ZFYVE9: variants seen among roughly 807,000 people sequenced by gnomAD.
ZFYVE9 encodes zinc finger FYVE domain-containing protein 9.
ZFYVE9 carries 43 observed loss-of-function variants against 126.7 expected under a neutral mutation model. The ratio of observed to expected loss-of-function variants is 0.34; its 90% CI spans 0.27 to 0.44. The LOEUF (loss-of-function observed/expected upper bound fraction) is 0.44, where lower values mean the gene tolerates loss of function less well. Among genes scored for constraint, ZFYVE9 ranks in the 20% least tolerant of loss-of-function variants. ZFYVE9 has a pLI of 1.00. For missense variants in ZFYVE9, 1,476 were observed against 1,697.0 expected (o/e 0.87, Z 2.29); for synonymous variants, 521 against 597.4 (o/e 0.87, Z 1.87).
At chr1:52,312,245 T>A (rs1017787881) in intron 13 of ZFYVE9, among the ~76,000 whole-genome samples, 3 of 152,142 alleles carry the variant, frequency 2.0e-5, no homozygotes, top group Admixed American at 6.5e-5. Flanking sequence ...ACTCAAAACA[T>A]CATTTAACAA....
chr1:52,316,165 C>A (rs1396212120), intron 13 of ZFYVE9, among the ~76,000 whole-genome samples: 54 of 39,198 alleles, frequency 1.4e-3, no homozygotes, highest in African/African-American at 4.5e-3. Context: ...AACTCCATCT[C>A]AAAAAAAAAA....
rs1009663252 is a variant in ZFYVE9, at chr1:52,293,448, T to G, written c.3026-5T>G. 3 of 1,599,134 alleles carry G rather than the reference T, an allele frequency of 1.9e-6. No individual in the cohort carries two copies. The African/African-American group carries it at 4.0e-5, about 22-fold the overall frequency. On this transcript the variant is annotated splice_region_variant and splice_polypyrimidine_tract_variant and intron_variant, in intron 10 of 18. Transcript: ENST00000287727. ...AAAGTAGCTAATAAACTTTTTTGTT[T>G]TTAGGGAATGTGGTGAGCAACTTGG...
rs377527010 is a variant in ZFYVE9, at chr1:52,149,129, A to G, written c.-143+6726A>G. ...CAGGCGCCTGTCACTATGCACCGCTAATTTTTGTATTTTGAGTAGAGATGG... is the reference window on the plus strand; with the variant it reads ...CAGGCGCCTGTCACTATGCACCGCTGATTTTTGTATTTTGAGTAGAGATGG... On this transcript the variant is annotated intron_variant, in intron 1 of 18. Coordinates refer to ENST00000287727, the MANE Select transcript of ZFYVE9 (RefSeq NM_004799.4). Among the ~76,000 whole-genome samples the G allele has an allele frequency of 1.3e-4, 20 of 151,608 alleles. No individual in the cohort carries two copies. In the East Asian group the frequency reaches 3.3e-3, roughly 25 times the overall value.
intron 1 of ZFYVE9, among the ~76,000 whole-genome samples, chr1:52,207,635 A>C (rs17107100): frequency 0.013 from 1,962 of 152,306 alleles, 46 homozygotes; most frequent in African/African-American, 0.046. Context: ...TTTAGGATCA[A>C]ATTTACTTAG....
chr1:52,207,065 C>T (rs957036419), intron 1 of ZFYVE9, among the ~76,000 whole-genome samples: 7 of 152,218 alleles, frequency 4.6e-5, no homozygotes, highest in African/African-American at 1.7e-4. Context: ...AACATTCTCC[C>T]AGACACACCC....
chr1:52,285,926 G>T (rs1419450491), intron 10 of ZFYVE9, among the ~76,000 whole-genome samples: 1 of 152,084 alleles, frequency 6.6e-6, no homozygotes, highest in African/African-American at 2.4e-5. Flanking sequence ...AGGCCAAGCC[G>T]GGTGGATCAC....
intron 13 of ZFYVE9, among the ~76,000 whole-genome samples, chr1:52,329,977 T>C (rs1188357524): frequency 1.3e-5 from 2 of 152,112 alleles, no homozygotes; most frequent in Admixed American, 1.3e-4. Flanking sequence ...TGCCTGTAGT[T>C]CCAGCTACTT....
At chr1:52,202,997 T>G (rs4110977) in intron 1 of ZFYVE9, among the ~76,000 whole-genome samples, 9,794 of 152,150 alleles carry the variant, frequency 0.064, 944 homozygotes, top group African/African-American at 0.19. Context: ...AAAGTGATTA[T>G]TAATATAATC....
intron 1 of ZFYVE9, among the ~76,000 whole-genome samples, chr1:52,196,632 G>C (rs185461393): frequency 2.0e-5 from 3 of 152,206 alleles, no homozygotes; most frequent in African/African-American, 7.2e-5. Flanking sequence ...GCAAGACCCG[G>C]TCTCAGAAAA....
intron 4 of ZFYVE9, among the ~76,000 whole-genome samples, chr1:52,261,226 C>CTTTTTTTTTTTTTT (rs954031127): frequency 1.5e-5 from 2 of 132,126 alleles, no homozygotes; most frequent in Non-Finnish European, 3.3e-5. Flanking sequence ...TTCTTTCTTT[C>CTTTTTTTTTTTTTT]TTTTTTTTTT....
At chr1:52,214,592 A>G (rs2124591952) in intron 1 of ZFYVE9, among the ~76,000 whole-genome samples, 1 of 152,328 alleles carries the variant, frequency 6.6e-6, no homozygotes, top group East Asian at 1.9e-4. Flanking sequence ...AGACTGGAAT[A>G]TAATTCCAAT....
chr1:52,238,210 A>C lies in ZFYVE9; in HGVS notation c.793A>C (p.Thr265Pro), dbSNP rs1171240445. 6.2e-7 allele frequency: 1 copy of C among 1,614,082 alleles called. No individual in the cohort carries two copies. Among genetic ancestry groups the C allele is most frequent in the Non-Finnish European group, 8.5e-7 (1 of 1,179,972 alleles). ...CTCCATGTCTGCGATTACAAGTTTA[A>C]CGGTTGATTCAGTAATCTCATCCCA... ...DPSMSAITSL[T>P]VDSVISSQGT... Residue 265 changes from threonine to proline, a missense_variant, in exon 4 of 19, where the codon ACG becomes CCG. By Grantham distance (38) the Thr-to-Pro change is conservative. Around this residue, in one of 2 missense-constraint regions of ZFYVE9, gnomAD observed 807 missense variants for 794.6 expected, o/e 1.02. Coordinates refer to ENST00000287727, the MANE Select transcript of ZFYVE9 (RefSeq NM_004799.4).
At chr1:52,173,173 C>T (rs1346384397) in intron 1 of ZFYVE9, among the ~76,000 whole-genome samples, 1 of 152,112 alleles carries the variant, frequency 6.6e-6, no homozygotes, top group Admixed American at 6.5e-5. Context: ...TGAGATACGT[C>T]CCATCAATAC....
chr1:52,331,751 CA>C (rs1304154201), intron 13 of ZFYVE9, among the ~76,000 whole-genome samples: 34 of 124,502 alleles, frequency 2.7e-4, no homozygotes, highest in Non-Finnish European at 3.1e-4. Context: ...GACCCTGTCT[CA>C]AAAAAAAAAG....
At chr1:52,154,389 A>G (rs937087598) in intron 1 of ZFYVE9, among the ~76,000 whole-genome samples, 5 of 152,128 alleles carry the variant, frequency 3.3e-5, no homozygotes, top group African/African-American at 9.7e-5. Flanking sequence ...GCCTTGGTAA[A>G]TGGGAGTCCA....
intron 13 of ZFYVE9, among the ~76,000 whole-genome samples, chr1:52,316,834 C>A (rs1228741729): frequency 6.6e-6 from 1 of 152,134 alleles, no homozygotes; most frequent in African/African-American, 2.4e-5. Context: ...AGAACACAGC[C>A]AATTTTACTT....
chr1:52,329,118 T>C (rs1020068433), intron 13 of ZFYVE9, among the ~76,000 whole-genome samples: 3 of 152,174 alleles, frequency 2.0e-5, no homozygotes, highest in Non-Finnish European at 4.4e-5. Context: ...TGTTAAGATG[T>C]CAATATTAAA....
intron 1 of ZFYVE9, among the ~76,000 whole-genome samples, chr1:52,175,732 C>T (rs967563913): frequency 3.9e-5 from 6 of 152,128 alleles, no homozygotes; most frequent in Non-Finnish European, 8.8e-5. Flanking sequence ...CTAAACTTCC[C>T]TTCTTGCTTC....
chr1:52,204,949 G>A (rs1486316840), intron 1 of ZFYVE9, among the ~76,000 whole-genome samples: 1 of 151,966 alleles, frequency 6.6e-6, no homozygotes, highest in Non-Finnish European at 1.5e-5. Flanking sequence ...AAGCTTTTCT[G>A]CCCGACATCT....
Sources: allele counts gnomAD v4.1 joint callset (sites outside exome capture counted in the v4.1 genomes callset), GRCh38; gene constraint gnomAD v4.1.1; regional missense constraint gnomAD v4.1.1; transcripts MANE v1.5; gene names NCBI Gene and HGNC (gene_info 2026-07-23, HGNC 2026-07-21).